Variants in PTGIS observed in about 807,000 individuals in gnomAD.
PTGIS encodes the protein prostaglandin I2 synthase.
In PTGIS, 45 loss-of-function variants were observed where a neutral mutation model predicts 50.3. That is an observed-to-expected ratio of 0.90 (90% CI 0.70 to 1.15). The LOEUF is 1.15. Among genes scored for constraint, PTGIS ranks in the 50% most tolerant of loss-of-function variants. The pLI is 0.00. For missense variants in PTGIS, 668 were observed against 661.3 expected, an observed-to-expected ratio of 1.01 and a Z score of -0.11; for synonymous variants, 260 against 267.7, an observed-to-expected ratio of 0.97 and a Z score of 0.28.
At chr20:49,530,885 G>A (rs1198262508) in intron 5 of PTGIS, among the ~76,000 whole-genome samples, 5 of 151,978 alleles carry the variant, frequency 3.3e-5, no homozygotes, top group African/African-American at 1.2e-4. Flanking sequence ...TCAGCCTCCC[G>A]AGTAGCTGAG....
At position 49,568,129 on chromosome 20, in the gene PTGIS, G is replaced by GGGGCTGGCGGGGCTGGCC; in HGVS notation, c.-14_-13insGGCCAGCCCCGCCAGCCC. On this transcript the variant is annotated 5_prime_UTR_variant, in exon 1 of 10. Coordinates refer to ENST00000244043, the MANE Select transcript of PTGIS (RefSeq NM_000961.4). ...CGGCCCAAGCCATCGCGGGGCTGGC[G>GGGGCTGGCGGGGCTGGCC]GGGCTGGCGGGGCTGGCGGGGCTGG... 8.7e-7 allele frequency: 1 copy of GGGGCTGGCGGGGCTGGCC among 1,155,418 alleles called. No homozygotes were observed. The highest frequency in any genetic ancestry group is 1.1e-6 in the Non-Finnish European group (1 of 891,154). 71.6% of individuals were successfully genotyped at this position (1,155,418 alleles called of 1,614,324 possible).
At chr20:49,535,159 A>G (rs1386649577) in intron 5 of PTGIS, among the ~76,000 whole-genome samples, 1 of 152,200 alleles carries the variant, frequency 6.6e-6, no homozygotes, top group African/African-American at 2.4e-5. Context: ...CATGCAAATT[A>G]AAGCAATAAG....
At chr20:49,563,206 G>A (rs1030920907) in intron 1 of PTGIS, among the ~76,000 whole-genome samples, 4 of 152,174 alleles carry the variant, frequency 2.6e-5, no homozygotes, top group Admixed American at 1.3e-4. Context: ...TTGCACAGGT[G>A]AGCTGGAGCA....
chr20:49,568,117 C>CGCGGGGCTGTCGGGGCTG lies in PTGIS; in HGVS notation c.-2_-1insCAGCCCCGACAGCCCCGC. On this transcript the variant is annotated 5_prime_UTR_variant, in exon 1 of 10. Transcript: ENST00000244043. Reference sequence around the variant, plus strand: ...GGCCGAGGAGCGCGGCCCAAGCCATCGCGGGGCTGGCGGGGCTGGCGGGGC... The same window carrying CGCGGGGCTGTCGGGGCTG: ...GGCCGAGGAGCGCGGCCCAAGCCATCGCGGGGCTGTCGGGGCTGGCGGGGCTGGCGGGGCTGGCGGGGC... The CGCGGGGCTGTCGGGGCTG allele has an allele frequency of 1.3e-6, 1 of 784,884 alleles. No homozygotes were observed. Among genetic ancestry groups the CGCGGGGCTGTCGGGGCTG allele is most frequent in the Non-Finnish European group, 1.8e-6 (1 of 569,000 alleles). 48.6% of individuals were successfully genotyped at this position (784,884 alleles called of 1,614,324 possible). A position where few individuals can be genotyped will look rare whatever the true frequency, so the allele number is the denominator to read the frequency against.
chr20:49,528,309 C>A (rs1315519348), intron 5 of PTGIS, among the ~76,000 whole-genome samples: 1 of 151,700 alleles, frequency 6.6e-6, no homozygotes, highest in East Asian at 2.0e-4. Flanking sequence ...GCAAAAAACA[C>A]AGGATAAAAA....
intron 9 of PTGIS, among the ~76,000 whole-genome samples, chr20:49,510,783 G>A (rs559796557): frequency 1.7e-4 from 26 of 152,330 alleles, no homozygotes; most frequent in Admixed American, 1.6e-3. Context: ...GTCTTGGAGG[G>A]AAGAACCTGC....
At chr20:49,545,821 T>C (rs1982341553) in intron 3 of PTGIS, among the ~76,000 whole-genome samples, 1 of 150,874 alleles carries the variant, frequency 6.6e-6, no homozygotes, top group African/African-American at 2.4e-5. Context: ...ATCAGGGCCC[T>C]GATCTGTCAT....
chr20:49,550,263 G>A, intron 1 of PTGIS, 74 bp from the exon 2 acceptor site: 1 of 1,574,860 alleles, frequency 6.3e-7, no homozygotes, highest in Non-Finnish European at 8.6e-7. Flanking sequence ...TGCAGAGTGT[G>A]ATTTTGAATG....
At chr20:49,529,349 A>G (rs539023150) in intron 5 of PTGIS, among the ~76,000 whole-genome samples, 1 of 152,312 alleles carries the variant, frequency 6.6e-6, no homozygotes, top group South Asian at 2.1e-4. Context: ...TATAAATGAC[A>G]TAATGCGGTA....
intron 4 of PTGIS, 60 bp downstream of exon 4, chr20:49,544,245 T>C (rs62209222): frequency 0.011 from 17,143 of 1,606,382 alleles, 127 homozygotes; most frequent in Non-Finnish European, 0.013. Context: ...CCACTGCTCA[T>C]GGCTGACACA....
intron 6 of PTGIS, among the ~76,000 whole-genome samples, chr20:49,521,760 C>T (rs1981657838): frequency 6.6e-6 from 1 of 152,104 alleles, no homozygotes; most frequent in Non-Finnish European, 1.5e-5. Flanking sequence ...GCAACTGTCA[C>T]CGTCGAAGTG....
chr20:49,505,303 C>G lies in PTGIS; in HGVS notation c.*2617G>C, dbSNP rs1981120060. 6.6e-6 allele frequency: 1 copy of G among 152,102 alleles called. No individual in the cohort carries two copies. Among genetic ancestry groups the G allele is most frequent in the African/African-American group, 2.4e-5 (1 of 41,414 alleles). 9.4% of individuals were successfully genotyped at this position (152,102 alleles called of 1,614,324 possible). A position where few individuals can be genotyped will look rare whatever the true frequency, so the allele number is the denominator to read the frequency against. ...CATAGCAGGTAGCTAACCCACTCAT[C>G]TCTCCCTCTTTTCTTTATAGCTTCT... On this transcript the variant is annotated 3_prime_UTR_variant, in exon 10 of 10. Transcript: ENST00000244043.
rs746953108 is a variant in PTGIS at position 49,507,922 on chromosome 20, A to G, written c.1501T>C (p.Ter501ArgextTer125). The G allele has an allele frequency of 2.5e-6, 4 of 1,611,786 alleles. No individual in the cohort carries two copies. The South Asian group carries it at 4.4e-5, about 18-fold the overall frequency. The change falls in exon 10 of 10, where the codon TGA (stop) becomes CGA (arginine). Residue 501 changes from the stop codon to arginine, a stop_lost. Transcript: ENST00000244043. ...DVPVRYRIRP[*>R] ...CGTGGATCCATCTGCTCCCTGTGTC[A>G]TGGGCGGATGCGGTAGCGGACGGGC...
At chr20:49,554,042 G>A (rs528317518) in intron 1 of PTGIS, among the ~76,000 whole-genome samples, 3 of 152,214 alleles carry the variant, frequency 2.0e-5, no homozygotes, top group South Asian at 2.1e-4. Context: ...TAAAGAATTG[G>A]TTAGAACAAA....
chr20:49,539,804 C>T lies in PTGIS; in HGVS notation c.522-83G>A, dbSNP rs559721812. On this transcript the variant is annotated intron_variant, in intron 4 of 9. Transcript: ENST00000244043. Reference sequence around the variant, plus strand: ...GCTACTCACAAGAGCTTCATTCATACACCCAGTGAGCAACTACTAATCCTA... The same window carrying T: ...GCTACTCACAAGAGCTTCATTCATATACCCAGTGAGCAACTACTAATCCTA... 2.0e-5 allele frequency: 30 copies of T among 1,508,896 alleles called. No homozygotes were observed. In the African/African-American group the frequency reaches 3.0e-4, roughly 15 times the overall value. The allele number at this position is 1,508,896 out of a possible 1,614,324, so 93.5% of individuals were successfully genotyped here. A position where few individuals can be genotyped will look rare whatever the true frequency, so the allele number is the denominator to read the frequency against.
chr20:49,539,773 G>A lies in PTGIS; in HGVS notation c.522-52C>T, dbSNP rs755162148. The stretch of plus-strand genomic sequence containing the variant: ...GGTCCTCCTGGGACACTCATGTGTG[G>A]CCACAGCTACTCACAAGAGCTTCAT... On this transcript the variant is annotated intron_variant, in intron 4 of 9. Coordinates refer to ENST00000244043, the MANE Select transcript of PTGIS (RefSeq NM_000961.4). 3.8e-6 allele frequency: 6 copies of A among 1,578,926 alleles called. No homozygotes were observed. The South Asian group carries it at 4.5e-5, about 12-fold the overall frequency.
At chr20:49,554,473 C>T (rs1478018336) in intron 1 of PTGIS, among the ~76,000 whole-genome samples, 1 of 152,114 alleles carries the variant, frequency 6.6e-6, no homozygotes, top group East Asian at 1.9e-4. Context: ...GCTTTGACTC[C>T]TGGGTCTAAA....
chr20:49,547,711 C>T, intron 3 of PTGIS, 130 bp downstream of exon 3: 4 of 1,071,406 alleles, frequency 3.7e-6, no homozygotes, highest in Admixed American at 1.8e-5. Context: ...TGTTTTGTTT[C>T]TGTTTGTGTT....
intron 1 of PTGIS, among the ~76,000 whole-genome samples, chr20:49,552,440 A>G (rs953590841): frequency 6.6e-6 from 1 of 152,138 alleles, no homozygotes; most frequent in African/African-American, 2.4e-5. Context: ...GATTTCTATA[A>G]TTTTATGTTT....
Sources: gnomAD v4.1 joint callset for allele counts (sites outside exome capture counted in the v4.1 genomes callset) on GRCh38, gnomAD v4.1.1 for gene constraint, MANE v1.5 for transcripts, NCBI Gene and HGNC (gene_info 2026-07-23, HGNC 2026-07-21) for gene names.